CBR4: variants seen among roughly 807,000 people sequenced by gnomAD.
The protein encoded by CBR4 is 3-oxoacyl-[acyl-carrier-protein] reductase.
CBR4 carries 22 observed loss-of-function variants against 21.0 expected under a neutral mutation model. That is an observed-to-expected ratio of 1.05 (90% confidence interval 0.75 to 1.50). The LOEUF (loss-of-function observed/expected upper bound fraction) is 1.50. Ranked by LOEUF, CBR4 falls within the 40% of genes most tolerant of loss-of-function variation. The pLI is 0.00. For missense variants in CBR4, 302 were observed against 286.3 expected (o/e 1.05, Z -0.40); for synonymous variants, 100 against 104.4 (o/e 0.96, Z 0.26).
At chr4:168,969,975 A>C (rs1353725298) in intron 2 of CBR4, among the ~76,000 whole-genome samples, 2 of 152,230 alleles carry the variant, frequency 1.3e-5, no homozygotes, top group Non-Finnish European at 2.9e-5. Context: ...ACGAAATTTC[A>C]TGTGGTCTTG....
At chr4:169,009,186 A>T in intron 1 of CBR4, 1 of 394,858 alleles carries the variant, frequency 2.5e-6, no homozygotes, top group Admixed American at 3.5e-5. Flanking sequence ...CTGGTGATTA[A>T]ACAAATAGCA....
chr4:169,007,503 T>G, intron 2 of CBR4, 133 bp downstream of exon 2: 1 of 470,988 alleles, frequency 2.1e-6, no homozygotes, highest in Non-Finnish European at 3.5e-6. Flanking sequence ...ATTTATGGAT[T>G]GACAAGTTTT....
intron 2 of CBR4, among the ~76,000 whole-genome samples, chr4:168,947,331 T>G (rs1763420278): frequency 6.6e-6 from 1 of 152,166 alleles, no homozygotes; most frequent in South Asian, 2.1e-4. Flanking sequence ...CACCCTGAAT[T>G]TTGCTGATTA....
chr4:168,932,581 A>G (rs932651248), intron 2 of CBR4, among the ~76,000 whole-genome samples: 1 of 152,188 alleles, frequency 6.6e-6, no homozygotes, highest in Non-Finnish European at 1.5e-5. Context: ...AGAAGCTTAA[A>G]GTCCCCAAAG....
chr4:168,960,668 G>A (rs1763823679), intron 2 of CBR4, among the ~76,000 whole-genome samples: 1 of 152,128 alleles, frequency 6.6e-6, no homozygotes, highest in Admixed American at 6.5e-5. Context: ...AGTACTACAT[G>A]AAACTACTCT....
intron 2 of CBR4, among the ~76,000 whole-genome samples, chr4:168,978,855 T>A (rs1454706437): frequency 6.6e-6 from 1 of 152,134 alleles, no homozygotes; most frequent in Non-Finnish European, 1.5e-5. Flanking sequence ...CAAAGCCCAC[T>A]GGCCTGGGAT....
At chr4:168,950,205 T>A (rs1055970460) in intron 2 of CBR4, among the ~76,000 whole-genome samples, 1 of 152,166 alleles carries the variant, frequency 6.6e-6, no homozygotes, top group East Asian at 1.9e-4. Flanking sequence ...CCTTGAGGTG[T>A]GGCCTTAGAA....
intron 2 of CBR4, among the ~76,000 whole-genome samples, chr4:168,943,225 G>A (rs1057225687): frequency 4.6e-5 from 7 of 152,142 alleles, no homozygotes; most frequent in African/African-American, 9.7e-5. Flanking sequence ...ATACAAAGCC[G>A]CTGACAAAAG....
chr4:168,979,383 A>G (rs995339478), intron 2 of CBR4, among the ~76,000 whole-genome samples: 5 of 151,882 alleles, frequency 3.3e-5, no homozygotes, highest in Non-Finnish European at 5.9e-5. Context: ...CCTTTATAGA[A>G]AAGCAACCAG....
Position 168,926,398 on chromosome 4 carries a change from G to A in CBR4, n.170-31633C>T, listed in dbSNP as rs1020700393. ...TGAGGACCTGTAATCCAGCATTCTT[G>A]TTAAAGCTGAAACACTGAAACAGCC... On this transcript the variant is annotated intron_variant and non_coding_transcript_variant, in intron 2 of 3. Coordinates refer to the CBR4 transcript ENST00000509108. 30 of 1,532,816 alleles carry A rather than the reference G, an allele frequency of 2.0e-5. No individual in the cohort carries two copies. The African/African-American group carries it at 2.6e-4, about 13-fold the overall frequency. 95.0% of individuals were successfully genotyped at this position (1,532,816 alleles called of 1,614,324 possible). A position where few individuals can be genotyped will look rare whatever the true frequency, so the allele number is the denominator to read the frequency against.
intron 2 of CBR4, among the ~76,000 whole-genome samples, chr4:168,963,938 G>C (rs1462079477): frequency 6.6e-6 from 1 of 151,950 alleles, no homozygotes; most frequent in East Asian, 1.9e-4. Flanking sequence ...TCATGCCCAA[G>C]AACAGTTGGG....
intron 2 of CBR4, among the ~76,000 whole-genome samples, chr4:168,917,752 A>AT (rs1048170747): frequency 6.6e-6 from 1 of 152,072 alleles, no homozygotes; most frequent in Admixed American, 6.5e-5. Context: ...ATCATTATTT[A>AT]TTTTTTACAG....
At chr4:168,976,622 T>C (rs1288696606) in intron 2 of CBR4, among the ~76,000 whole-genome samples, 2 of 152,140 alleles carry the variant, frequency 1.3e-5, no homozygotes, top group African/African-American at 4.8e-5. Context: ...GGAAGGATAT[T>C]ACAAAGTACC....
intron 2 of CBR4, among the ~76,000 whole-genome samples, chr4:168,910,682 C>T (rs892261455): frequency 2.6e-5 from 4 of 152,060 alleles, no homozygotes; most frequent in Admixed American, 2.6e-4. Flanking sequence ...ACTATATGGC[C>T]TTGTTTTACA....
chr4:168,958,094 G>A (rs572711832), intron 2 of CBR4, among the ~76,000 whole-genome samples: 7 of 151,998 alleles, frequency 4.6e-5, no homozygotes, highest in South Asian at 2.1e-4. Flanking sequence ...GTGAAACCCC[G>A]TCTCTATTAA....
intron 4 of CBR4, among the ~76,000 whole-genome samples, chr4:168,995,116 G>T (rs1462312757): frequency 1.3e-5 from 2 of 152,100 alleles, no homozygotes; most frequent in Non-Finnish European, 2.9e-5. Flanking sequence ...GCCTCATTAA[G>T]TACTCTTCAT....
intron 2 of CBR4, among the ~76,000 whole-genome samples, chr4:168,959,561 C>CTTTTTTTT (rs750848079): frequency 3.9e-5 from 2 of 50,880 alleles, no homozygotes; most frequent in African/African-American, 5.6e-5. Flanking sequence ...TTATCAATTT[C>CTTTTTTTT]TTTTTTTTTT....
intron 2 of CBR4, among the ~76,000 whole-genome samples, chr4:168,905,790 C>CTTTTTTTTTTTTTTTTTTT (rs59427697): frequency 1.5e-4 from 17 of 113,098 alleles, no homozygotes; most frequent in South Asian, 3.0e-4. Context: ...GCTTTTTTTT[C>CTTTTTTTTTTTTTTTTTTT]TTTTTTTTTT....
At chr4:168,895,930 G>A (rs759604793) in intron 2 of CBR4, among the ~76,000 whole-genome samples, 1 of 152,014 alleles carries the variant, frequency 6.6e-6, no homozygotes, top group South Asian at 2.1e-4. Flanking sequence ...CATTTAAGGC[G>A]GGGCGCAGTG....
Sources: gnomAD v4.1 joint callset for allele counts (sites outside exome capture counted in the v4.1 genomes callset) on GRCh38, gnomAD v4.1.1 for gene constraint, MANE v1.5 for transcripts, NCBI Gene and HGNC (gene_info 2026-07-23, HGNC 2026-07-21) for gene names.